Variants in TRIM24 observed in about 807,000 individuals in gnomAD.
TRIM24 encodes the protein transcription intermediary factor 1-alpha.
In TRIM24, 29 loss-of-function variants were observed where a neutral mutation model predicts 123.9. The observed-to-expected ratio is 0.23, with a 90% confidence interval of 0.17 to 0.32. TRIM24 has a LOEUF of 0.32. TRIM24 is among the 10% of genes least tolerant of loss of function. TRIM24 has a pLI of 1.00. For missense variants in TRIM24, 932 were observed against 1,295.3 expected (o/e 0.72, Z 4.31); for synonymous variants, 456 against 461.1 (o/e 0.99, Z 0.14).
intron 9 of TRIM24, among the ~76,000 whole-genome samples, chr7:138,559,737 T>C (rs1212012183): frequency 6.6e-6 from 1 of 152,202 alleles, no homozygotes; most frequent in Non-Finnish European, 1.5e-5. Context: ...GCTGCTGGTT[T>C]CAGCTGACTG....
intron 9 of TRIM24, among the ~76,000 whole-genome samples, chr7:138,565,067 G>T (rs1584741378): frequency 6.6e-6 from 1 of 152,200 alleles, no homozygotes; most frequent in East Asian, 1.9e-4. Context: ...GTTAGTCCCG[G>T]TCAGTCCCAT....
chr7:138,504,444 G>GTTTTTTTTTTTTTT (rs1563036659), intron 2 of TRIM24, 36 bp downstream of exon 2: 1 of 603,602 alleles, frequency 1.7e-6, no homozygotes, highest in Admixed American at 3.7e-5. Flanking sequence ...TTGCCTGCCA[G>GTTTTTTTTTTTTTT]CTCTTTTTTT....
rs1441356151 is a variant in TRIM24, at chr7:138,516,234, G to A, written c.631+875G>A. Among the ~76,000 whole-genome samples, 4 of 152,134 alleles carry A rather than the reference G, an allele frequency of 2.6e-5. No homozygotes were observed. The East Asian group carries it at 7.7e-4, about 29-fold the overall frequency. On this transcript the variant is annotated intron_variant, in intron 3 of 18. Transcript: ENST00000343526. ...GGAGAATGGCGTGAACCCGGGAGGC[G>A]GAGCTTGCGGTGAGCCGAGATCGCA... is the stretch of plus-strand genomic sequence containing the variant.
chr7:138,568,553 A>G (rs1048775559), intron 10 of TRIM24, among the ~76,000 whole-genome samples: 2 of 150,790 alleles, frequency 1.3e-5, no homozygotes, highest in East Asian at 3.9e-4. Flanking sequence ...TGCCTGGCTA[A>G]TTTTTGTATT....
At chr7:138,486,309 T>G (rs1226042861) in intron 1 of TRIM24, among the ~76,000 whole-genome samples, 1 of 152,232 alleles carries the variant, frequency 6.6e-6, no homozygotes, top group Non-Finnish European at 1.5e-5. Flanking sequence ...TAATGGCAGT[T>G]TCTTTTGCTG....
At chr7:138,550,995 T>C in intron 7 of TRIM24, 68 bp from the exon 8 acceptor site, 1 of 1,285,280 alleles carries the variant, frequency 7.8e-7, no homozygotes, top group South Asian at 1.2e-5. Context: ...GAGACTGTTT[T>C]TGTATATTTA....
At chr7:138,462,038 A>G (rs888335572) in intron 1 of TRIM24, among the ~76,000 whole-genome samples, 3 of 152,168 alleles carry the variant, frequency 2.0e-5, no homozygotes, top group African/African-American at 7.2e-5. Context: ...TGCCAGCGAG[A>G]TACTGACTGC....
intron 1 of TRIM24, among the ~76,000 whole-genome samples, chr7:138,465,382 G>C (rs1795114440): frequency 6.6e-6 from 1 of 152,178 alleles, no homozygotes; most frequent in Non-Finnish European, 1.5e-5. Flanking sequence ...TTAGAGAAAT[G>C]TTATAATATT....
chr7:138,531,823 C>T (rs1796753404), intron 6 of TRIM24, among the ~76,000 whole-genome samples: 1 of 152,228 alleles, frequency 6.6e-6, no homozygotes, highest in Non-Finnish European at 1.5e-5. Context: ...AACTAGTTTA[C>T]AGTCTCACCA....
chr7:138,547,559 AAAC>A (rs1240684964), intron 7 of TRIM24, among the ~76,000 whole-genome samples: 2 of 152,070 alleles, frequency 1.3e-5, no homozygotes, highest in African/African-American at 4.8e-5. Context: ...ATTTTAGATA[AAAC>A]AATTATTAAA....
At chr7:138,477,189 C>T (rs1396678962) in intron 1 of TRIM24, among the ~76,000 whole-genome samples, 2 of 152,026 alleles carry the variant, frequency 1.3e-5, no homozygotes, top group Non-Finnish European at 2.9e-5. Flanking sequence ...GGCATGGTGG[C>T]TCACACCTGT....
chr7:138,484,017 T>C (rs139322651), intron 1 of TRIM24, among the ~76,000 whole-genome samples: 2,669 of 152,268 alleles, frequency 0.018, 32 homozygotes, highest in Middle Eastern at 0.082. Context: ...TACATAATAT[T>C]GAACCTCAAT....
chr7:138,463,442 G>A (rs970860136), intron 1 of TRIM24, among the ~76,000 whole-genome samples: 2 of 152,040 alleles, frequency 1.3e-5, no homozygotes, highest in Non-Finnish European at 2.9e-5. Context: ...ATGTTGGCCA[G>A]GCTGGTCTCG....
chr7:138,466,463 C>CTTT lies in TRIM24; in HGVS notation c.364+5567_364+5569dup, dbSNP rs577317171. 6.5e-3 allele frequency among the ~76,000 whole-genome samples: 484 copies of CTTT among 74,022 alleles called. 52 individuals are homozygous for CTTT. The highest frequency in any genetic ancestry group is 9.0e-3 in the Non-Finnish European group (374 of 41,742). The allele number at this position is 74,022 out of a possible 152,430, so 48.6% of individuals were successfully genotyped here. A position where few individuals can be genotyped will look rare whatever the true frequency, so the allele number is the denominator to read the frequency against. On this transcript the variant is annotated intron_variant, in intron 1 of 18. Transcript: ENST00000343526. ...TTTGCAAATTTCAAAACTTAAGTTG[C>CTTT]TTTTTTTTTTTTTTTTTTGGAGACA...
rs769147814 is a variant in TRIM24 at position 138,460,694 on chromosome 7, G to T, written c.146G>T (p.Arg49Leu). ...PDSERGGEAARLNLLDTCAVC... is the reference protein window; with the variant it reads ...PDSERGGEAALLNLLDTCAVC... ...TCGGAGCGCGGCGGCGAGGCGGCCCGGCTCAACCTGTTGGACACTTGCGCC... is the reference window on the plus strand; with the variant it reads ...TCGGAGCGCGGCGGCGAGGCGGCCCTGCTCAACCTGTTGGACACTTGCGCC... The change falls in exon 1 of 19, where the codon CGG becomes CTG. Residue 49 changes from arginine (R) to leucine (L), a missense_variant. Physicochemically the swap from Arg to Leu is moderately radical, Grantham distance 102. Coordinates refer to ENST00000343526, the MANE Select transcript of TRIM24 (RefSeq NM_015905.3). 6 of 1,549,584 alleles carry T rather than the reference G, an allele frequency of 3.9e-6. No individual in the cohort carries two copies. Among genetic ancestry groups the T allele is most frequent in the Non-Finnish European group, 5.2e-6 (6 of 1,153,516 alleles).
At chr7:138,560,200 C>T (rs1405087770) in intron 9 of TRIM24, among the ~76,000 whole-genome samples, 1 of 152,208 alleles carries the variant, frequency 6.6e-6, no homozygotes, top group Non-Finnish European at 1.5e-5. Flanking sequence ...ATGTGTTCCA[C>T]TTTTCCTGAA....
intron 7 of TRIM24, among the ~76,000 whole-genome samples, chr7:138,541,807 T>C (rs938368238): frequency 6.6e-6 from 1 of 152,236 alleles, no homozygotes; most frequent in Non-Finnish European, 1.5e-5. Flanking sequence ...TCGTCAATGA[T>C]CTTAGCTGTA....
intron 4 of TRIM24, among the ~76,000 whole-genome samples, chr7:138,519,626 C>A (rs1215435155): frequency 1.3e-5 from 2 of 152,184 alleles, no homozygotes; most frequent in Non-Finnish European, 2.9e-5. Flanking sequence ...CAGACATTGG[C>A]AACGTCCTAT....
At chr7:138,469,123 C>G (rs1795214447) in intron 1 of TRIM24, among the ~76,000 whole-genome samples, 1 of 152,196 alleles carries the variant, frequency 6.6e-6, no homozygotes, top group Non-Finnish European at 1.5e-5. Context: ...ACTAGTTACT[C>G]TATTCCTGGT....
Sources: allele counts gnomAD v4.1 joint callset (sites outside exome capture counted in the v4.1 genomes callset), GRCh38; gene constraint gnomAD v4.1.1; transcripts MANE v1.5; gene names NCBI Gene and HGNC (gene_info 2026-07-23, HGNC 2026-07-21).